ZNF561: variants seen among roughly 807,000 people sequenced by gnomAD.
ZNF561 encodes zinc finger protein 561.
In ZNF561, 16 loss-of-function variants were observed where a neutral mutation model predicts 16.7. That is an observed-to-expected ratio of 0.96 (90% CI 0.65 to 1.45). ZNF561 has a LOEUF of 1.45. Among genes scored for constraint, ZNF561 ranks in the 40% most tolerant of loss-of-function variants. The pLI, the probability that ZNF561 is intolerant of heterozygous loss-of-function variation, is 0.00. For synonymous variants in ZNF561, 190 were observed against 192.1 expected (o/e 0.99, Z 0.09); for missense variants, 580 against 578.0 (o/e 1.00, Z -0.04).
At chr19:9,612,631 T>A (rs2074481752) in intron 5 of ZNF561, among the ~76,000 whole-genome samples, 1 of 151,450 alleles carries the variant, frequency 6.6e-6, no homozygotes, top group African/African-American at 2.4e-5. Context: ...AGCCATGAGC[T>A]ACCATGTCAG....
At chr19:9,616,887 C>T in intron 4 of ZNF561, 158 bp downstream of exon 4, 7 of 1,014,356 alleles carry the variant, frequency 6.9e-6, no homozygotes, top group Non-Finnish European at 9.6e-6. Context: ...AGCCACTGCG[C>T]CCGGCCTAGA....
Position 9,607,531 on chromosome 19 carries a change from G to A in ZNF561, c.*2669C>T, listed in dbSNP as rs2074370750. 6.6e-6 allele frequency: 1 copy of A among 152,110 alleles called. No individual in the cohort carries two copies. The highest frequency in any genetic ancestry group is 6.6e-5 in the Admixed American group (1 of 15,258). 9.4% of individuals were successfully genotyped at this position (152,110 alleles called of 1,614,324 possible). A position where few individuals can be genotyped will look rare whatever the true frequency, so the allele number is the denominator to read the frequency against. On this transcript the variant is annotated 3_prime_UTR_variant, in exon 6 of 6. Coordinates refer to ENST00000302851, the MANE Select transcript of ZNF561 (RefSeq NM_152289.3). The stretch of plus-strand genomic sequence containing the variant: ...CTGGATATAAAAAGAAACCTTTCCT[G>A]TAAGAGATTAGCCTCTTCAAAAAAT...
At chr19:9,616,178 C>T (rs1340822094) in intron 4 of ZNF561, among the ~76,000 whole-genome samples, 1 of 152,232 alleles carries the variant, frequency 6.6e-6, no homozygotes, top group Non-Finnish European at 1.5e-5. Context: ...TACTTTGGGA[C>T]TGTCTCTGTT....
chr19:9,612,116 C>G (rs994400328), intron 5 of ZNF561, among the ~76,000 whole-genome samples: 2 of 151,936 alleles, frequency 1.3e-5, no homozygotes, highest in African/African-American at 4.8e-5. Context: ...TTAGTAGAGA[C>G]AGGGTTTCAC....
At position 9,613,221 on chromosome 19, in the gene ZNF561, AG is replaced by A. The variant is rs537172582; in HGVS notation, c.324+799del. 2.8e-4 allele frequency among the ~76,000 whole-genome samples: 43 copies of A among 152,220 alleles called. 1 individual carries two copies. The highest frequency in any genetic ancestry group is 5.6e-4 in the Non-Finnish European group (38 of 68,040). On this transcript the variant is annotated intron_variant, in intron 5 of 5. Coordinates refer to ENST00000302851, the MANE Select transcript of ZNF561 (RefSeq NM_152289.3). ...GAATATCATAAAATTCATCACATTC[AG>A]ACTATCTCTCCAGAGATCCTGCTCC...
In ZNF561 at chr19:9,619,485, C is replaced by T. The variant is rs1205640101; in HGVS notation, c.-29G>A. 1.9e-6 allele frequency: 3 copies of T among 1,612,296 alleles called. No individual in the cohort carries two copies. Among genetic ancestry groups the T allele is most frequent in the Admixed American group, 1.7e-5 (1 of 59,928 alleles). On this transcript the variant is annotated 5_prime_UTR_variant, in exon 2 of 6. It removes an upstream start codon present in the reference 5' UTR. Coordinates refer to ENST00000302851, the MANE Select transcript of ZNF561 (RefSeq NM_152289.3). ...CTGAAGCTGATGGTGTGATGATGTGCATCCCTTCCTTGATGCCAAGATCAC... is the reference window on the plus strand; with the variant it reads ...CTGAAGCTGATGGTGTGATGATGTGTATCCCTTCCTTGATGCCAAGATCAC...
At chr19:9,614,307 A>T (rs1027801096) in intron 4 of ZNF561, 1 of 555,602 alleles carries the variant, frequency 1.8e-6, no homozygotes, top group Admixed American at 3.2e-5. Flanking sequence ...ATTACAAACT[A>T]CTTCTGTAAA....
At chr19:9,611,434 T>C in intron 5 of ZNF561, 98 bp from the exon 6 acceptor site, 1 of 1,259,192 alleles carries the variant, frequency 7.9e-7, no homozygotes, top group Non-Finnish European at 1.1e-6. Context: ...ATTATGATTT[T>C]ACTTTTTAAT....
chr19:9,612,968 T>C (rs557430442), intron 5 of ZNF561, among the ~76,000 whole-genome samples: 3 of 152,134 alleles, frequency 2.0e-5, no homozygotes, highest in Non-Finnish European at 4.4e-5. Flanking sequence ...GCTAATTTTT[T>C]ATTCCTTGTA....
At chr19:9,616,826 C>T (rs954024820) in intron 4 of ZNF561, among the ~76,000 whole-genome samples, 2 of 151,376 alleles carry the variant, frequency 1.3e-5, no homozygotes, top group Non-Finnish European at 2.9e-5. Context: ...CATCTCTGGA[C>T]CTTGTGATCC....
chr19:9,612,083 A>G (rs2074469498), intron 5 of ZNF561, among the ~76,000 whole-genome samples: 1 of 151,990 alleles, frequency 6.6e-6, no homozygotes, highest in Non-Finnish European at 1.5e-5. Context: ...ATGGGTCACC[A>G]TGCCTGGCTA....
intron 1 of ZNF561, among the ~76,000 whole-genome samples, chr19:9,620,610 C>A (rs1431579723): frequency 6.6e-6 from 1 of 152,152 alleles, no homozygotes; most frequent in East Asian, 1.9e-4. Context: ...AGCCTGATCT[C>A]CTGTATATGG....
intron 2 of ZNF561, among the ~76,000 whole-genome samples, chr19:9,618,514 CAGG>C (rs2074600343): frequency 6.6e-6 from 1 of 150,900 alleles, no homozygotes; most frequent in South Asian, 2.1e-4. Context: ...ATCATGAGGT[CAGG>C]AGAACGAGAC....
At chr19:9,612,467 C>T (rs1489720248) in intron 5 of ZNF561, among the ~76,000 whole-genome samples, 1 of 152,140 alleles carries the variant, frequency 6.6e-6, no homozygotes. Context: ...ATCTGCCTGC[C>T]TCAACCTCCC....
In ZNF561 at chr19:9,619,589, A is replaced by T. The variant is rs1286694635; in HGVS notation, c.-126-7T>A. ...TACAGGGTTATTTGCGGTCCTGTTC[A>T]TATCAATCATCAAACAACAAGCATG... On this transcript the variant is annotated splice_region_variant and splice_polypyrimidine_tract_variant and intron_variant, in intron 1 of 5. Transcript: ENST00000302851. 1 of 691,364 alleles carries T rather than the reference A, an allele frequency of 1.4e-6. No homozygotes were observed. Among genetic ancestry groups the T allele is most frequent in the Non-Finnish European group, 2.3e-6 (1 of 431,608 alleles). The allele number at this position is 691,364 out of a possible 1,614,324, so 42.8% of individuals were successfully genotyped here. A position where few individuals can be genotyped will look rare whatever the true frequency, so the allele number is the denominator to read the frequency against.
rs554510579 is a variant in ZNF561 at position 9,611,076 on chromosome 19, T to C, written c.585A>G (p.Gln195=). ...AVHLEVLNAR[Q]PYKCKECGKG... is the part of the protein sequence containing the mutation. ...TTCCACATTCCTTACATTTGTAGGG[T>C]TGTCTTGCATTGAGAACTTCAAGAT... Residue 195 remains glutamine, a synonymous_variant, in exon 6 of 6, where the codon CAA becomes CAG. Coordinates refer to ENST00000302851, the MANE Select transcript of ZNF561 (RefSeq NM_152289.3). The C allele has an allele frequency of 1.2e-6, 2 of 1,614,134 alleles. No homozygotes were observed. Among genetic ancestry groups the C allele is most frequent in the East Asian group, 2.2e-5 (1 of 44,872 alleles).
rs1413045113 is a variant in ZNF561, at chr19:9,608,375, G to A, written c.*1825C>T. 1 of 151,996 alleles carries A rather than the reference G, an allele frequency of 6.6e-6. No homozygotes were observed. Among genetic ancestry groups the A allele is most frequent in the Non-Finnish European group, 1.5e-5 (1 of 68,016 alleles). 9.4% of individuals were successfully genotyped at this position (151,996 alleles called of 1,614,324 possible). A position where few individuals can be genotyped will look rare whatever the true frequency, so the allele number is the denominator to read the frequency against. On this transcript the variant is annotated 3_prime_UTR_variant, in exon 6 of 6. Transcript: ENST00000302851. Reference sequence around the variant, plus strand: ...GAGGAAGTGGGCATTTACATACCAGGAAGAGAGCTCTCGCCAGAAGTTGAC... The same window carrying A: ...GAGGAAGTGGGCATTTACATACCAGAAAGAGAGCTCTCGCCAGAAGTTGAC...
chr19:9,619,728 C>T (rs2074624440), intron 1 of ZNF561, 146 bp from the exon 2 acceptor site: 1 of 359,426 alleles, frequency 2.8e-6, no homozygotes, highest in African/African-American at 2.1e-5. Flanking sequence ...GTATTAATAA[C>T]AGTAACTGAC....
rs1405316651 is a variant in ZNF561 at position 9,607,831 on chromosome 19, G to A, written c.*2369C>T. The A allele has an allele frequency of 2.6e-5, 4 of 152,116 alleles. No individual in the cohort carries two copies. In the East Asian group the frequency reaches 7.7e-4, roughly 29 times the overall value. 9.4% of individuals were successfully genotyped at this position (152,116 alleles called of 1,614,324 possible). ...TGATAACCCTGAAAATTCATATGTTGAAGCTCCAAATCCCAATGTGACTGT... is the reference window on the plus strand; with the variant it reads ...TGATAACCCTGAAAATTCATATGTTAAAGCTCCAAATCCCAATGTGACTGT... On this transcript the variant is annotated 3_prime_UTR_variant, in exon 6 of 6. Transcript: ENST00000302851.
Sources: gnomAD v4.1 joint callset for allele counts (sites outside exome capture counted in the v4.1 genomes callset) on GRCh38, gnomAD v4.1.1 for gene constraint, MANE v1.5 for transcripts, NCBI Gene and HGNC (gene_info 2026-07-23, HGNC 2026-07-21) for gene names.